The following GCM1 variants were observed in gnomAD, a reference collection of about 807,000 sequenced individuals.
GCM1 encodes the protein GCM transcription factor 1.
GCM1 carries 2 observed loss-of-function variants against 25.7 expected under a neutral mutation model. The observed-to-expected ratio is 0.08, with a 90% CI of 0.03 to 0.24. The LOEUF is 0.24. Ranked by LOEUF, GCM1 falls within the 10% of genes least tolerant of loss-of-function variation. GCM1 has a pLI of 1.00. For missense variants in GCM1, 395 were observed against 538.7 expected (o/e 0.73, Z 2.64); for synonymous variants, 183 against 195.7 (o/e 0.94, Z 0.54).
chr6:53,130,965 T>C lies in GCM1; in HGVS notation c.442-34A>G, dbSNP rs201620489. The C allele has an allele frequency of 1.7e-4, 275 of 1,585,094 alleles. 1 individual carries two copies. In the East Asian group the frequency reaches 6.1e-3, roughly 35 times the overall value. Reference sequence around the variant, plus strand: ...AGACAAGGAAGTAGAAAGGAAATGATATAACACTAACTAGACTGTGTTTCA... The same window carrying C: ...AGACAAGGAAGTAGAAAGGAAATGACATAACACTAACTAGACTGTGTTTCA... On this transcript the variant is annotated intron_variant, in intron 4 of 5. Transcript: ENST00000259803.
intron 2 of GCM1, among the ~76,000 whole-genome samples, chr6:53,142,732 T>G (rs1763897875): frequency 1.3e-5 from 2 of 152,156 alleles, no homozygotes; most frequent in African/African-American, 4.8e-5. Flanking sequence ...CGTCAGGCAC[T>G]GTGCTAGGCA....
At position 53,141,078 on chromosome 6, in the gene GCM1, G is replaced by A. The variant is rs144491587; in HGVS notation, c.75+4480C>T. Among the ~76,000 whole-genome samples, 14 of 152,112 alleles carry A rather than the reference G, an allele frequency of 9.2e-5. 1 individual carries two copies. The highest frequency in any genetic ancestry group is 3.4e-4 in the African/African-American group (14 of 41,480). ...CCCCATGCCAGAGTCATGTTGAACT[G>A]CACACTCCTTTCAAACTCCTCTAGC... is the stretch of plus-strand genomic sequence containing the variant. On this transcript the variant is annotated intron_variant, in intron 2 of 5. Coordinates refer to ENST00000259803, the MANE Select transcript of GCM1 (RefSeq NM_003643.4).
intron 5 of GCM1, among the ~76,000 whole-genome samples, chr6:53,129,627 A>AT (rs1763696230): frequency 6.6e-6 from 1 of 152,236 alleles, no homozygotes; most frequent in African/African-American, 2.4e-5. Context: ...ATATCAAAGT[A>AT]TAACTTCAAA....
intron 1 of GCM1, among the ~76,000 whole-genome samples, chr6:53,148,535 C>A (rs1222907639): frequency 2.6e-5 from 4 of 152,210 alleles, no homozygotes; most frequent in East Asian, 3.9e-4. Context: ...GAAGAAAAAA[C>A]CATTTTACAG....
chr6:53,138,406 G>T (rs554031259), intron 2 of GCM1, among the ~76,000 whole-genome samples: 1 of 152,140 alleles, frequency 6.6e-6, no homozygotes, highest in South Asian at 2.1e-4. Flanking sequence ...CTTTGACCTG[G>T]ACATTTAGTA....
chr6:53,147,652 C>T (rs962302967), intron 1 of GCM1, among the ~76,000 whole-genome samples: 3 of 151,982 alleles, frequency 2.0e-5, no homozygotes, highest in Admixed American at 2.0e-4. Flanking sequence ...CGGTCTTGAA[C>T]TCCTTTCCTC....
At chr6:53,133,937 C>A (rs1165940913) in intron 3 of GCM1, 135 bp downstream of exon 3, 3 of 856,598 alleles carry the variant, frequency 3.5e-6, no homozygotes, top group Non-Finnish European at 5.4e-6. Flanking sequence ...TGCTCCATGT[C>A]AGAACAGCCT....
chr6:53,142,275 C>T (rs944535180), intron 2 of GCM1, among the ~76,000 whole-genome samples: 5 of 151,886 alleles, frequency 3.3e-5, no homozygotes, highest in African/African-American at 1.2e-4. Context: ...TCCTTTAAAC[C>T]ACATTTGTTA....
At chr6:53,133,388 C>T (rs1290064748) in intron 3 of GCM1, among the ~76,000 whole-genome samples, 2 of 151,640 alleles carry the variant, frequency 1.3e-5, no homozygotes, top group African/African-American at 4.8e-5. Flanking sequence ...GATGGGTCTT[C>T]ACCATATTGG....
At chr6:53,146,217 T>TATATATATATATATATATATATATATA in intron 1 of GCM1, among the ~76,000 whole-genome samples, 1 of 30,852 alleles carries the variant, frequency 3.2e-5, no homozygotes, top group Non-Finnish European at 6.2e-5. Flanking sequence ...TATATATATA[T>TATATATATATATATATATATATATATA]TTTTTTTTTT....
intron 2 of GCM1, among the ~76,000 whole-genome samples, chr6:53,140,232 T>A (rs1763855502): frequency 1.3e-5 from 2 of 152,100 alleles, no homozygotes; most frequent in African/African-American, 4.8e-5. Flanking sequence ...AATGACAACG[T>A]GACCTGCTCA....
intron 1 of GCM1, 89 bp downstream of exon 1, chr6:53,148,665 A>G (rs905882741): frequency 6.6e-6 from 1 of 152,212 alleles, no homozygotes; most frequent in African/African-American, 2.4e-5. Flanking sequence ...CAGAAAAATG[A>G]ACTAGAACAA....
At chr6:53,129,047 G>T in intron 5 of GCM1, 101 bp from the exon 6 acceptor site, 1 of 900,056 alleles carries the variant, frequency 1.1e-6, no homozygotes, top group Admixed American at 2.3e-5. Context: ...AGCTCCATCA[G>T]ATTTTCCTCA....
At position 53,138,159 on chromosome 6, in the gene GCM1, G is replaced by A. The variant is rs1386774217; in HGVS notation, c.76-3835C>T. Reference sequence around the variant, plus strand: ...TAGCCAGGCATGGTGGCACATGCCTGTTATCCCAGTTACTCAGGAGGCTGA... The same window carrying A: ...TAGCCAGGCATGGTGGCACATGCCTATTATCCCAGTTACTCAGGAGGCTGA... On this transcript the variant is annotated intron_variant, in intron 2 of 5. Coordinates refer to ENST00000259803, the MANE Select transcript of GCM1 (RefSeq NM_003643.4). 1.1e-4 allele frequency among the ~76,000 whole-genome samples: 16 copies of A among 151,276 alleles called. No homozygotes were observed. In the Admixed American group the frequency reaches 1.1e-3, roughly 10 times the overall value.
chr6:53,140,163 T>A (rs543747549), intron 2 of GCM1, among the ~76,000 whole-genome samples: 1 of 152,192 alleles, frequency 6.6e-6, no homozygotes, highest in East Asian at 1.9e-4. Flanking sequence ...CAAATGACCC[T>A]TGAGGTCAAG....
At chr6:53,140,200 T>C (rs935618575) in intron 2 of GCM1, among the ~76,000 whole-genome samples, 1 of 152,058 alleles carries the variant, frequency 6.6e-6, no homozygotes, top group African/African-American at 2.4e-5. Context: ...GGGGGCAAAG[T>C]CACAGGAATC....
chr6:53,133,611 C>A (rs1763757000), intron 3 of GCM1, among the ~76,000 whole-genome samples: 1 of 152,168 alleles, frequency 6.6e-6, no homozygotes, highest in African/African-American at 2.4e-5. Flanking sequence ...TCTGCCTCAG[C>A]CTCTGGAGTA....
At position 53,144,344 on chromosome 6, in the gene GCM1, G is replaced by T. The variant is rs532071972; in HGVS notation, c.75+1214C>A. ...GGAGGCTGAGGCAGGAGGATCACTT[G>T]AGCCCAGGAAATTGAAACTGCAGTG... On this transcript the variant is annotated intron_variant, in intron 2 of 5. Coordinates refer to ENST00000259803, the MANE Select transcript of GCM1 (RefSeq NM_003643.4). Among the ~76,000 whole-genome samples, 20 of 150,708 alleles carry T rather than the reference G, an allele frequency of 1.3e-4. No individual in the cohort carries two copies. The South Asian group carries it at 4.2e-3, about 32-fold the overall frequency.
chr6:53,143,992 G>A (rs1763917725), intron 2 of GCM1, among the ~76,000 whole-genome samples: 1 of 152,170 alleles, frequency 6.6e-6, no homozygotes, highest in Non-Finnish European at 1.5e-5. Flanking sequence ...CCAGAATCAG[G>A]CAGACTGGAT....
Sources: gnomAD v4.1 joint callset for allele counts (sites outside exome capture counted in the v4.1 genomes callset) on GRCh38, gnomAD v4.1.1 for gene constraint, MANE v1.5 for transcripts, NCBI Gene and HGNC (gene_info 2026-07-23, HGNC 2026-07-21) for gene names.